Variants in ZNF420 observed in about 807,000 individuals in gnomAD.
ZNF420 encodes the protein ATM and p53-associated KZNF protein.
In ZNF420, 31 loss-of-function variants were observed where a neutral mutation model predicts 44.7. The ratio of observed to expected loss-of-function variants is 0.69; its 90% CI spans 0.52 to 0.94. The LOEUF (loss-of-function observed/expected upper bound fraction) is 0.94, where lower values mean the gene tolerates loss of function less well. Among genes scored for constraint, ZNF420 ranks in the 40% least tolerant of loss-of-function variants. The pLI, the probability that ZNF420 is intolerant of heterozygous loss-of-function variation, is 0.00. For synonymous variants in ZNF420, 245 were observed against 267.4 expected, an observed-to-expected ratio of 0.92 and a Z score of 0.82; for missense variants, 681 against 827.9, an observed-to-expected ratio of 0.82 and a Z score of 2.18.
At chr19:37,058,857 C>G (rs538433573) in intron 1 of ZNF420, among the ~76,000 whole-genome samples, 1 of 152,314 alleles carries the variant, frequency 6.6e-6, no homozygotes, top group South Asian at 2.1e-4. Flanking sequence ...GTTTCCACGT[C>G]TCCTGGAAAG....
At chr19:37,029,780 T>A (rs1967222962) in intron 1 of ZNF420, among the ~76,000 whole-genome samples, 2 of 152,184 alleles carry the variant, frequency 1.3e-5, no homozygotes, top group South Asian at 4.1e-4. Flanking sequence ...AGTGCTGGGA[T>A]TACCGGCATG....
chr19:37,076,642 C>T (rs543463018), upstream of ZNF420, among the ~76,000 whole-genome samples: 5 of 152,160 alleles, frequency 3.3e-5, no homozygotes, highest in Non-Finnish European at 5.9e-5. Context: ...TCTGTCCTTG[C>T]GATAGTTTGC....
intron 1 of ZNF420, among the ~76,000 whole-genome samples, chr19:37,038,124 C>T (rs1342731950): frequency 3.5e-5 from 4 of 113,014 alleles, no homozygotes; most frequent in African/African-American, 1.5e-4. Context: ...AGCGAGACTC[C>T]GTCTCAAAAA....
At chr19:37,012,313 AG>A (rs2074576022) in intron 1 of ZNF420, among the ~76,000 whole-genome samples, 1 of 152,208 alleles carries the variant, frequency 6.6e-6, no homozygotes, top group Admixed American at 6.5e-5. Context: ...GCGGAGCGCG[AG>A]TCGGCCTAGC....
At chr19:37,053,873 A>G (rs556699193) in intron 1 of ZNF420, among the ~76,000 whole-genome samples, 2 of 150,892 alleles carry the variant, frequency 1.3e-5, no homozygotes, top group South Asian at 2.1e-4. Flanking sequence ...GAGAACCACT[A>G]CTCTCTTCAA....
rs994826571 is a variant in ZNF420, at chr19:37,129,424, A to G, written c.*366A>G. 1 of 188,582 alleles carries G rather than the reference A, an allele frequency of 5.3e-6. No homozygotes were observed. Among genetic ancestry groups the G allele is most frequent in the African/African-American group, 2.4e-5 (1 of 42,254 alleles). The allele number at this position is 188,582 out of a possible 1,614,324, so 11.7% of individuals were successfully genotyped here. ...AGATAGACCTAAGTATATTACCTTT[A>G]TTGTAAGATTCTTGGAAGTATTATG... On this transcript the variant is annotated 3_prime_UTR_variant, in exon 5 of 5. Coordinates refer to ENST00000337995, the MANE Select transcript of ZNF420 (RefSeq NM_144689.5).
At chr19:37,124,416 A>C (rs778648070) in intron 4 of ZNF420, among the ~76,000 whole-genome samples, 1 of 152,208 alleles carries the variant, frequency 6.6e-6, no homozygotes, top group African/African-American at 2.4e-5. Flanking sequence ...TAAAGCTGTT[A>C]TAATCTTTGA....
chr19:37,082,102 T>C (rs982902242), intron 2 of ZNF420, among the ~76,000 whole-genome samples: 2 of 152,218 alleles, frequency 1.3e-5, no homozygotes, highest in Admixed American at 1.3e-4. Flanking sequence ...GTGCATTTCT[T>C]ACAGGCAGCA....
At position 37,024,638 on chromosome 19, in the gene ZNF420, C is replaced by T. The variant is rs11670076; in HGVS notation, c.-125+16556C>T. ...TAATTTTTTGTATTTTTAGTAGAGACGGGGTTTCACTATGTTGGCTAGGCT... is the reference window on the plus strand; with the variant it reads ...TAATTTTTTGTATTTTTAGTAGAGATGGGGTTTCACTATGTTGGCTAGGCT... On this transcript the variant is annotated intron_variant, in intron 1 of 4. Coordinates refer to the ZNF420 transcript ENST00000587029. 3.0e-3 allele frequency among the ~76,000 whole-genome samples: 449 copies of T among 152,076 alleles called. 3 individuals are homozygous for T. Among genetic ancestry groups the T allele is most frequent in the South Asian group, 0.028 (136 of 4,824 alleles).
intron 1 of ZNF420, among the ~76,000 whole-genome samples, chr19:37,044,132 G>A (rs1445847670): frequency 6.6e-6 from 1 of 152,178 alleles, no homozygotes; most frequent in Non-Finnish European, 1.5e-5. Context: ...GCAGTGGGAG[G>A]CCTGGTTAGG....
chr19:37,103,880 C>T (rs1969915655), intron 4 of ZNF420, among the ~76,000 whole-genome samples: 2 of 152,000 alleles, frequency 1.3e-5, no homozygotes, highest in Non-Finnish European at 2.9e-5. Context: ...CACACATTTT[C>T]CTCTTGATAT....
chr19:37,065,466 T>C (rs1719667574), intron 1 of ZNF420, among the ~76,000 whole-genome samples: 1 of 152,216 alleles, frequency 6.6e-6, no homozygotes, highest in Non-Finnish European at 1.5e-5. Flanking sequence ...TGACCCTCTA[T>C]TGCTGGCTTT....
chr19:37,110,422 G>A (rs1326484732), intron 4 of ZNF420, among the ~76,000 whole-genome samples: 1 of 152,200 alleles, frequency 6.6e-6, no homozygotes, highest in African/African-American at 2.4e-5. Flanking sequence ...AAAGCATGAA[G>A]TTCTTGTGCT....
chr19:37,052,640 T>A (rs938300152), intron 1 of ZNF420, among the ~76,000 whole-genome samples: 1 of 152,248 alleles, frequency 6.6e-6, no homozygotes, highest in African/African-American at 2.4e-5. Context: ...TGGCTGGATA[T>A]GAAATTCTGG....
intron 1 of ZNF420, among the ~76,000 whole-genome samples, chr19:37,024,536 A>C (rs942822292): frequency 2.0e-5 from 3 of 151,924 alleles, no homozygotes; most frequent in Admixed American, 6.6e-5. Flanking sequence ...TGCAACCGCC[A>C]CCTCCCAGGT....
intron 4 of ZNF420, among the ~76,000 whole-genome samples, chr19:37,114,361 G>A (rs1970544676): frequency 6.6e-6 from 1 of 152,142 alleles, no homozygotes; most frequent in African/African-American, 2.4e-5. Flanking sequence ...TGGCGGTTGG[G>A]TCTTATTTTC....
intron 1 of ZNF420, among the ~76,000 whole-genome samples, chr19:37,028,250 C>T (rs536770837): frequency 1.3e-4 from 20 of 152,208 alleles, no homozygotes; most frequent in African/African-American, 3.1e-4. Context: ...TGATGGACTG[C>T]GGGGAAAGAG....
chr19:37,008,861 A>G (rs2074548024), intron 1 of ZNF420, among the ~76,000 whole-genome samples: 1 of 152,158 alleles, frequency 6.6e-6, no homozygotes, highest in African/African-American at 2.4e-5. Flanking sequence ...AACAAAGAAC[A>G]CTTTCCAGTC....
intron 4 of ZNF420, among the ~76,000 whole-genome samples, chr19:37,122,375 A>G (rs1669601949): frequency 6.6e-6 from 1 of 150,386 alleles, no homozygotes; most frequent in Admixed American, 6.7e-5. Context: ...AGAAAACCAA[A>G]CACCGCATGT....
Sources: gnomAD v4.1 joint callset for allele counts (sites outside exome capture counted in the v4.1 genomes callset) on GRCh38, gnomAD v4.1.1 for gene constraint, MANE v1.5 for transcripts, NCBI Gene and HGNC (gene_info 2026-07-23, HGNC 2026-07-21) for gene names.